Variants in ALDH4A1 observed in about 807,000 individuals in gnomAD.
The protein encoded by ALDH4A1 is aldehyde dehydrogenase 4 family member A1.
ALDH4A1 carries 46 observed loss-of-function variants against 70.5 expected under a neutral mutation model. The observed-to-expected ratio is 0.65, with a 90% CI of 0.51 to 0.83. The LOEUF (loss-of-function observed/expected upper bound fraction) is 0.83. ALDH4A1 is among the 40% of genes least tolerant of loss of function. ALDH4A1 has a pLI of 0.00. For missense variants in ALDH4A1, 749 were observed against 766.5 expected (o/e 0.98, Z 0.27); for synonymous variants, 323 against 324.3 (o/e 1.00, Z 0.04).
rs912081794 is a variant in ALDH4A1 at position 18,885,729 on chromosome 1, C to T, written c.298-101G>A. ...ACCTGGGAGGCCACTCTCTTCCATCCGGGGACAATGCCTGTCTCCCTGGGC... is the reference window on the plus strand; with the variant it reads ...ACCTGGGAGGCCACTCTCTTCCATCTGGGGACAATGCCTGTCTCCCTGGGC... On this transcript the variant is annotated intron_variant, in intron 4 of 14. Transcript: ENST00000375341. The T allele has an allele frequency of 7.7e-5, 117 of 1,512,654 alleles. No homozygotes were observed. The East Asian group carries it at 1.3e-3, about 17-fold the overall frequency. 93.7% of individuals were successfully genotyped at this position (1,512,654 alleles called of 1,614,324 possible).
Position 18,902,480 on chromosome 1 carries a change from C to T in ALDH4A1, c.44G>A (p.Arg15His), listed in dbSNP as rs1327169212. The T allele has an allele frequency of 7.6e-6, 11 of 1,449,724 alleles. No individual in the cohort carries two copies. In the East Asian group the frequency reaches 2.3e-4, roughly 31 times the overall value. 89.8% of individuals were successfully genotyped at this position (1,449,724 alleles called of 1,614,324 possible). Residue 15 changes from arginine to histidine, a missense_variant, in exon 1 of 15, where the codon CGC (arginine) becomes CAC (histidine). By Grantham distance (29) the Arg-to-His change is conservative (BLOSUM62 0). Transcript: ENST00000375341. Reference sequence around the variant, plus strand: ...CACTCACCCGGCCCCGGTCCAGGGGCGGGACAGCAGGGCGCGGCGGAGCGC... The same window carrying T: ...CACTCACCCGGCCCCGGTCCAGGGGTGGGACAGCAGGGCGCGGCGGAGCGC... Reference protein sequence around the residue: ...APALRRALLSRPWTGAGLRWK... With the variant: ...APALRRALLSHPWTGAGLRWK...
chr1:18,902,433 G>A lies in ALDH4A1; in HGVS notation c.62+29C>T. 4 of 1,315,642 alleles carry A rather than the reference G, an allele frequency of 3.0e-6. No individual in the cohort carries two copies. The South Asian group carries it at 8.3e-5, about 27-fold the overall frequency. The allele number at this position is 1,315,642 out of a possible 1,614,324, so 81.5% of individuals were successfully genotyped here. On this transcript the variant is annotated intron_variant, in intron 1 of 14. Coordinates refer to ENST00000375341, the MANE Select transcript of ALDH4A1 (RefSeq NM_003748.4). ...GCTCCCGGGCCCCAGGCGCGCGCTC[G>A]GGCCGCCCCGGGCCCCGTGCTCACT... is the stretch of plus-strand genomic sequence containing the variant.
At chr1:18,884,893 C>T (rs1414402292) in intron 5 of ALDH4A1, among the ~76,000 whole-genome samples, 2 of 152,130 alleles carry the variant, frequency 1.3e-5, no homozygotes, top group East Asian at 1.9e-4. Flanking sequence ...CAGGAGGACA[C>T]GTGGGCAGAG....
intron 14 of ALDH4A1, 81 bp downstream of exon 14, chr1:18,874,382 A>T: frequency 7.6e-7 from 1 of 1,309,194 alleles, no homozygotes; most frequent in Non-Finnish European, 1.1e-6. Context: ...CCTTCCTATT[A>T]CTCTGAAGCC....
At position 18,871,606 on chromosome 1, in the gene ALDH4A1, C is replaced by G. The variant is rs1138328; in HGVS notation, c.*1239G>C. On this transcript the variant is annotated 3_prime_UTR_variant, in exon 15 of 15. Transcript: ENST00000375341. ...GACACAGAACCCACACCCAGCCCAG[C>G]TGGCACCAGCACCCACCCCCATCCA... 0.23 allele frequency: 35,762 copies of G among 152,310 alleles called. 4,492 individuals carry two copies. Among genetic ancestry groups the G allele is most frequent in the Middle Eastern group, 0.31 (90 of 294 alleles). The allele number at this position is 152,310 out of a possible 1,614,324, so 9.4% of individuals were successfully genotyped here. A position where few individuals can be genotyped will look rare whatever the true frequency, so the allele number is the denominator to read the frequency against.
chr1:18,893,342 AG>A, intron 1 of ALDH4A1, among the ~76,000 whole-genome samples: 1 of 152,222 alleles, frequency 6.6e-6, no homozygotes, highest in African/African-American at 2.4e-5. Flanking sequence ...AAAATGTATC[AG>A]GCCCAGGGAG....
At chr1:18,888,539 CCAGCTGCCATGCAGCCT>C (rs1201764934) in intron 3 of ALDH4A1, among the ~76,000 whole-genome samples, 2 of 152,246 alleles carry the variant, frequency 1.3e-5, no homozygotes, top group Non-Finnish European at 2.9e-5. Flanking sequence ...TGGAAAAATC[CCAGCTGCCATGCAGCCT>C]CAGACGCCTG....
At chr1:18,885,427 T>TGCCACCCCCCCCCCCCCCC in intron 5 of ALDH4A1, 46 bp downstream of exon 5, 5 of 650,922 alleles carry the variant, frequency 7.7e-6, no homozygotes, top group African/African-American at 1.9e-5. Context: ...CACACCTGAC[T>TGCCACCCCCCCCCCCCCCC]CCCACCCCAC....
At chr1:18,876,282 T>C in intron 12 of ALDH4A1, 33 bp downstream of exon 12, 1 of 1,612,058 alleles carries the variant, frequency 6.2e-7, no homozygotes, top group Non-Finnish European at 8.5e-7. Context: ...GGGATTGTCC[T>C]CCTCTGGACC....
At chr1:18,873,087 G>A (rs761864913) in intron 14 of ALDH4A1, 130 bp from the exon 15 acceptor site, 8 of 790,918 alleles carry the variant, frequency 1.0e-5, no homozygotes, top group Non-Finnish European at 1.7e-5. Flanking sequence ...CCAAGCTTGG[G>A]GCATGCAGAA....
At chr1:18,883,577 G>A in intron 5 of ALDH4A1, 149 bp from the exon 6 acceptor site, 1 of 1,119,798 alleles carries the variant, frequency 8.9e-7, no homozygotes. Context: ...TCCCATCCCA[G>A]GGGCTGAGGG....
At chr1:18,876,609 C>T in intron 11 of ALDH4A1, 142 bp from the exon 12 acceptor site, 3 of 913,264 alleles carry the variant, frequency 3.3e-6, no homozygotes, top group Non-Finnish European at 4.8e-6. Flanking sequence ...ACGCCAAGGG[C>T]AAAAGCCAGG....
At position 18,876,402 on chromosome 1, in the gene ALDH4A1, G is replaced by A. The variant is rs2230707; in HGVS notation, c.1251C>T (p.Ala417=). The stretch of plus-strand genomic sequence containing the variant: ...CCACGGAGTCATCACACTTGCCCCC[G>A]GCCAGGATGGTGAGGCTGGGTGAGG... ...ARSSPSLTIL[A]GGKCDDSVGY... is the part of the protein sequence containing the mutation. The change falls in exon 12 of 15, where the codon GCC becomes GCT. Residue 417 remains alanine, a synonymous_variant. Transcript: ENST00000375341. The A allele has an allele frequency of 0.48, 774,845 of 1,612,090 alleles. 188,387 individuals are homozygous for A. Among genetic ancestry groups the A allele is most frequent in the Admixed American group, 0.67 (39,887 of 59,880 alleles).
At position 18,872,728 on chromosome 1, in the gene ALDH4A1, G is replaced by C. The variant is rs1219651837; in HGVS notation, c.*117C>G. On this transcript the variant is annotated 3_prime_UTR_variant, in exon 15 of 15. Coordinates refer to ENST00000375341, the MANE Select transcript of ALDH4A1 (RefSeq NM_003748.4). ...CAGTGGTAAGAAGGGAGTCAAGCCC[G>C]GATTATAGAAAGGCAGCTGTGCATG... The C allele has an allele frequency of 2.6e-6, 2 of 778,388 alleles. No individual in the cohort carries two copies. Among genetic ancestry groups the C allele is most frequent in the Admixed American group, 2.0e-5 (1 of 49,896 alleles). 48.2% of individuals were successfully genotyped at this position (778,388 alleles called of 1,614,324 possible).
chr1:18,900,983 C>G (rs896402373), intron 1 of ALDH4A1: 5 of 908,424 alleles, frequency 5.5e-6, no homozygotes, highest in Non-Finnish European at 6.6e-6. Context: ...GGAGGGTTTT[C>G]CTATGCATTT....
Position 18,872,885 on chromosome 1 carries a change from T to A in ALDH4A1, c.1652A>T (p.His551Leu). 1 of 1,614,106 alleles carries A rather than the reference T, an allele frequency of 6.2e-7. No individual in the cohort carries two copies. Among genetic ancestry groups the A allele is most frequent in the Non-Finnish European group, 8.5e-7 (1 of 1,180,008 alleles). The change falls in exon 15 of 15, where the codon CAT becomes CTT. Residue 551 changes from histidine (H) to leucine (L), a missense_variant. Physicochemically the swap from His to Leu is moderately conservative, Grantham distance 99 (BLOSUM62 -3). Transcript: ENST00000375341. ...GTAGCTCCAGTCCCCCAGGGGCTTATGTGTCTCCTTGATGACCTGCGGCGA... is the reference window on the plus strand; with the variant it reads ...GTAGCTCCAGTCCCCCAGGGGCTTAAGTGTCTCCTTGATGACCTGCGGCGA... The part of the protein sequence containing the change: ...WTSPQVIKET[H>L]KPLGDWSYAY...
intron 1 of ALDH4A1, among the ~76,000 whole-genome samples, chr1:18,894,471 A>C (rs540854935): frequency 7.2e-5 from 11 of 152,234 alleles, no homozygotes; most frequent in Non-Finnish European, 1.3e-4. Flanking sequence ...TGAACCTGGG[A>C]GGTAGAGGTA....
Position 18,898,981 on chromosome 1 carries a change from G to A in ALDH4A1, c.62+3481C>T, listed in dbSNP as rs1365313320. 6.6e-6 allele frequency among the ~76,000 whole-genome samples: 1 copy of A among 152,204 alleles called. No homozygotes were observed. The highest frequency in any genetic ancestry group is 1.9e-4 in the East Asian group (1 of 5,200). On this transcript the variant is annotated intron_variant, in intron 1 of 14. Coordinates refer to ENST00000375341, the MANE Select transcript of ALDH4A1 (RefSeq NM_003748.4). The surrounding 1 kb of genome is among the most constrained non-coding windows in gnomAD (Gnocchi z 4.3). ...CCAGGAAACCACTGATCACATCACC[G>A]CTAATCCTTGCAGCCACCTGCTACG...
intron 1 of ALDH4A1, among the ~76,000 whole-genome samples, chr1:18,893,226 A>G (rs1935503680): frequency 6.6e-6 from 1 of 152,238 alleles, no homozygotes; most frequent in Admixed American, 6.5e-5. Flanking sequence ...ACCTCAGTGC[A>G]TTCTTAGAAA....
Sources: allele counts gnomAD v4.1 joint callset (sites outside exome capture counted in the v4.1 genomes callset), GRCh38; gene constraint gnomAD v4.1.1; non-coding constraint Gnocchi (gnomAD v3.1); transcripts MANE v1.5; gene names NCBI Gene and HGNC (gene_info 2026-07-23, HGNC 2026-07-21).